ZNF266: variants seen among roughly 807,000 people sequenced by gnomAD.
The protein encoded by ZNF266 is zinc finger protein 1.
In ZNF266, 16 loss-of-function variants were observed where a neutral mutation model predicts 16.4. The observed-to-expected ratio is 0.98, with a 90% CI of 0.66 to 1.48. ZNF266 has a LOEUF of 1.48. ZNF266 is among the 40% of genes most tolerant of loss of function. The pLI is 0.00. For missense variants in ZNF266, 738 were observed against 689.1 expected (o/e 1.07, Z -0.79); for synonymous variants, 262 against 237.9 (o/e 1.10, Z -0.93).
intron 9 of ZNF266, 81 bp downstream of exon 9, chr19:9,417,747 C>CAAAA: frequency 2.0e-6 from 2 of 976,854 alleles, no homozygotes; most frequent in Non-Finnish European, 2.9e-6. Flanking sequence ...GACTCCATCT[C>CAAAA]AAAAAAAAAA....
intron 5 of ZNF266, among the ~76,000 whole-genome samples, chr19:9,423,494 G>A (rs2070238529): frequency 6.6e-6 from 1 of 152,182 alleles, no homozygotes; most frequent in African/African-American, 2.4e-5. Flanking sequence ...GCATGTCCTT[G>A]AAATCAACTG....
rs1326705011 is a variant in ZNF266 at position 9,435,309 on chromosome 19, C to A, written c.-583G>T. 4 of 152,202 alleles carry A rather than the reference C, an allele frequency of 2.6e-5. No individual in the cohort carries two copies. The highest frequency in any genetic ancestry group is 4.8e-5 in the African/African-American group (2 of 41,438). 9.4% of individuals were successfully genotyped at this position (152,202 alleles called of 1,614,324 possible). A position where few individuals can be genotyped will look rare whatever the true frequency, so the allele number is the denominator to read the frequency against. ...GACAGATCCCGAAACGGCTCCTGGC[C>A]CAGGGCCGTCGCAGTGACAACTCGA... On this transcript the variant is annotated 5_prime_UTR_variant, in exon 1 of 11. Coordinates refer to ENST00000592904, the MANE Select transcript of ZNF266 (RefSeq NM_001370374.1).
intron 5 of ZNF266, among the ~76,000 whole-genome samples, chr19:9,428,537 C>T (rs78072294): frequency 0.024 from 3,629 of 152,292 alleles, 67 homozygotes; most frequent in South Asian, 0.039. Flanking sequence ...ATGCTGCTGC[C>T]TTCCATCCCT....
intron 9 of ZNF266, among the ~76,000 whole-genome samples, chr19:9,416,039 G>C (rs921248724): frequency 1.3e-5 from 2 of 151,630 alleles, no homozygotes; most frequent in African/African-American, 4.8e-5. Context: ...GGCCAAGCTA[G>C]TCTCAAACTC....
rs766284565 is a variant in ZNF266, at chr19:9,417,848, A to G, written c.296T>C (p.Val99Ala). Residue 99 changes from valine (V) to alanine (A), a missense_variant, in exon 9 of 11, where the codon GTG becomes GCG. Physicochemically the swap from Val to Ala is moderately conservative, Grantham distance 64 (BLOSUM62 0). Transcript: ENST00000592904. ...CTCACCTTGGAAATCACCTCTCTGC[A>G]CTGTCCTAGACTCTTCTTGTTCCAG... ...SWLEQEESRT[V>A]QRGDFQASEW... The G allele has an allele frequency of 3.7e-6, 6 of 1,613,814 alleles. No homozygotes were observed. The highest frequency in any genetic ancestry group is 5.1e-6 in the Non-Finnish European group (6 of 1,179,780).
At chr19:9,425,210 T>TAACG (rs1311629779) in intron 5 of ZNF266, among the ~76,000 whole-genome samples, 1 of 152,190 alleles carries the variant, frequency 6.6e-6, no homozygotes, top group African/African-American at 2.4e-5. Flanking sequence ...TCCTGAGGGA[T>TAACG]AACGTCCATG....
rs770627883 is a variant in ZNF266, at chr19:9,414,499, T to C, written c.627A>G (p.Pro209=). The C allele has an allele frequency of 6.2e-6, 10 of 1,614,214 alleles. No homozygotes were observed. The East Asian group carries it at 2.0e-4, about 32-fold the overall frequency. The change falls in exon 11 of 11, where the codon CCA becomes CCG. Residue 209 remains proline, a synonymous_variant. Coordinates refer to ENST00000592904, the MANE Select transcript of ZNF266 (RefSeq NM_001370374.1). ...SQCGKAFSLN[P]DVVCQRTCTG... is the part of the protein sequence containing the mutation. ...TGCACGTTCTCTGGCAAACAACATCTGGGTTCAGGCTGAAGGCTTTTCCAC... is the reference window on the plus strand; with the variant it reads ...TGCACGTTCTCTGGCAAACAACATCCGGGTTCAGGCTGAAGGCTTTTCCAC...
At chr19:9,426,977 C>A (rs1038051077) in intron 5 of ZNF266, among the ~76,000 whole-genome samples, 1 of 152,168 alleles carries the variant, frequency 6.6e-6, no homozygotes, top group Non-Finnish European at 1.5e-5. Context: ...GACTTTGACA[C>A]TTACAAATTG....
At chr19:9,435,242 G>T (rs2072295503) in intron 1 of ZNF266, 42 bp downstream of exon 1, 1 of 152,128 alleles carries the variant, frequency 6.6e-6, no homozygotes, top group Admixed American at 6.5e-5. Flanking sequence ...GTTTGAAGCG[G>T]CAATCACCGT....
chr19:9,414,570 G>T lies in ZNF266; in HGVS notation c.556C>A (p.His186Asn). The T allele has an allele frequency of 6.2e-7, 1 of 1,613,930 alleles. No homozygotes were observed. The highest frequency in any genetic ancestry group is 8.5e-7 in the Non-Finnish European group (1 of 1,179,798). ...YLYGVDFLTL[H>N]KKTSTGEQRS... Reference sequence around the variant, plus strand: ...TGCTCTCCAGTAGAGGTTTTCTTGTGCAGAGTAAGGAAGTCTACTCCATAC... The same window carrying T: ...TGCTCTCCAGTAGAGGTTTTCTTGTTCAGAGTAAGGAAGTCTACTCCATAC... Residue 186 changes from histidine to asparagine, a missense_variant, in exon 11 of 11, where the codon CAC becomes AAC. By Grantham distance (68) the His-to-Asn change is moderately conservative. Coordinates refer to ENST00000592904, the MANE Select transcript of ZNF266 (RefSeq NM_001370374.1).
chr19:9,418,580 TC>T lies in ZNF266; in HGVS notation c.159del (p.Trp53Ter). On this transcript the variant is annotated frameshift_variant, in exon 8 of 11. Coordinates refer to ENST00000592904, the MANE Select transcript of ZNF266 (RefSeq NM_001370374.1). LOFTEE classifies it high-confidence loss of function. The part of the protein sequence containing the change: ...DLAVDFTPEE[W>X]TLLDPTQRNL... ...TTTCTCTGAGTTGGGTCCAGTAAAG[TC>T]CATTCTTCTGGGGTGAAGTCCACAG... The T allele has an allele frequency of 6.2e-7, 1 of 1,609,816 alleles. No individual in the cohort carries two copies. The highest frequency in any genetic ancestry group is 8.5e-7 in the Non-Finnish European group (1 of 1,176,056).
intron 5 of ZNF266, among the ~76,000 whole-genome samples, chr19:9,422,583 T>C (rs1014601447): frequency 2.6e-5 from 4 of 152,166 alleles, no homozygotes; most frequent in Non-Finnish European, 4.4e-5. Context: ...CAGTCTTGTA[T>C]CCTTACTGGC....
At chr19:9,430,144 CAA>C (rs1375785805) in intron 5 of ZNF266, among the ~76,000 whole-genome samples, 1 of 152,082 alleles carries the variant, frequency 6.6e-6, no homozygotes, top group South Asian at 2.1e-4. Context: ...AGCGCAGCTG[CAA>C]AGTTACAAGG....
chr19:9,424,038 T>C (rs1162255720), intron 5 of ZNF266, among the ~76,000 whole-genome samples: 1 of 151,954 alleles, frequency 6.6e-6, no homozygotes, highest in Non-Finnish European at 1.5e-5. Flanking sequence ...GAAGGTGGAA[T>C]TAACTCCACT....
chr19:9,414,271 T>C lies in ZNF266; in HGVS notation c.855A>G (p.Gly285=). The C allele has an allele frequency of 6.2e-7, 1 of 1,614,204 alleles. No individual in the cohort carries two copies. The highest frequency in any genetic ancestry group is 8.5e-7 in the Non-Finnish European group (1 of 1,180,048). The stretch of plus-strand genomic sequence containing the variant: ...GGTATGCAGAATATCTAAATCCTTT[T>C]CCACATTCCTTACATTTGTAGGGTT... The part of the protein sequence containing the change: ...SEKPYKCKEC[G]KGFRYSAYLN... Residue 285 remains glycine, a synonymous_variant, in exon 11 of 11, where the codon GGA becomes GGG. Transcript: ENST00000592904.
chr19:9,431,364 T>G (rs1295679236), intron 5 of ZNF266, among the ~76,000 whole-genome samples: 1 of 152,200 alleles, frequency 6.6e-6, no homozygotes, highest in Non-Finnish European at 1.5e-5. Flanking sequence ...AGGCACCCTC[T>G]GCACATGTGC....
In ZNF266 at chr19:9,418,515, C is replaced by T. The variant is rs894745179; in HGVS notation, c.225G>A (p.Leu75=). ...RDVMLENYKN[L]ATVGYQLFKP... ...TGAGGCCAGTCTTACCTACTGTGGC[C>T]AAATTCTTGTAGTTCTCCAGCATCA... Residue 75 remains leucine, a synonymous_variant, in exon 8 of 11, where the codon TTG becomes TTA. Transcript: ENST00000592904. 8.1e-6 allele frequency: 13 copies of T among 1,614,138 alleles called. No homozygotes were observed. In the Middle Eastern group the frequency reaches 8.2e-4, roughly 102 times the overall value.
chr19:9,432,560 C>G (rs768210347), intron 5 of ZNF266, among the ~76,000 whole-genome samples: 11 of 152,108 alleles, frequency 7.2e-5, no homozygotes, highest in Non-Finnish European at 1.6e-4. Context: ...TGACATACAA[C>G]AAAGCGAATT....
chr19:9,421,084 C>G (rs2069802064), intron 5 of ZNF266, among the ~76,000 whole-genome samples: 1 of 152,120 alleles, frequency 6.6e-6, no homozygotes, highest in Non-Finnish European at 1.5e-5. Flanking sequence ...TAATCACAAT[C>G]TTTAATAAAT....
Sources: allele counts gnomAD v4.1 joint callset (sites outside exome capture counted in the v4.1 genomes callset), GRCh38; gene constraint gnomAD v4.1.1; transcripts MANE v1.5; gene names NCBI Gene and HGNC (gene_info 2026-07-23, HGNC 2026-07-21).